Variants in CNTN5 observed in about 807,000 individuals in gnomAD.
CNTN5 encodes the protein contactin 5.
A neutral mutation model predicts 129.1 loss-of-function variants in CNTN5; 77 were observed. The observed-to-expected ratio is 0.60, with a 90% CI of 0.50 to 0.72. CNTN5 has a LOEUF of 0.72. CNTN5 is among the 30% of genes least tolerant of loss of function. The pLI is 0.00. For synonymous variants in CNTN5, 509 were observed against 465.6 expected (o/e 1.09, Z -1.20); for missense variants, 1,478 against 1,328.8 (o/e 1.11, Z -1.75).
intron 1 of CNTN5, among the ~76,000 whole-genome samples, chr11:99,220,605 A>T (rs1392585697): frequency 3.3e-5 from 5 of 151,992 alleles, no homozygotes; most frequent in Non-Finnish European, 7.4e-5. Flanking sequence ...TTATATTTTT[A>T]AAAATCCATT....
intron 6 of CNTN5, among the ~76,000 whole-genome samples, chr11:99,888,939 A>G (rs1484719936): frequency 6.6e-6 from 1 of 151,952 alleles, no homozygotes; most frequent in Non-Finnish European, 1.5e-5. Flanking sequence ...AGTTGTCAAG[A>G]GGAAGAATTC....
chr11:100,157,558 T>C (rs1947292454), intron 13 of CNTN5, among the ~76,000 whole-genome samples: 1 of 151,734 alleles, frequency 6.6e-6, no homozygotes, highest in African/African-American at 2.4e-5. Flanking sequence ...ATTGGTCATG[T>C]ATATTTGCTT....
chr11:99,103,093 C>A (rs568730676), intron 1 of CNTN5, among the ~76,000 whole-genome samples: 2 of 152,094 alleles, frequency 1.3e-5, no homozygotes, highest in Non-Finnish European at 2.9e-5. Flanking sequence ...CATCAGATCT[C>A]GTAAGGCTTA....
intron 18 of CNTN5, among the ~76,000 whole-genome samples, chr11:100,274,835 C>CA (rs1950474726): frequency 6.6e-6 from 1 of 152,178 alleles, no homozygotes; most frequent in African/African-American, 2.4e-5. Context: ...GACGACAACT[C>CA]AAAGACCTAA....
chr11:99,975,972 C>A (rs1289478402), intron 8 of CNTN5, among the ~76,000 whole-genome samples: 1 of 152,006 alleles, frequency 6.6e-6, no homozygotes, highest in East Asian at 1.9e-4. Context: ...CCTAGGAGCC[C>A]GTGAAATAAA....
chr11:99,249,232 T>C (rs1591418401), intron 1 of CNTN5, among the ~76,000 whole-genome samples: 1 of 152,272 alleles, frequency 6.6e-6, no homozygotes, highest in East Asian at 1.9e-4. Flanking sequence ...GAAGCAATTG[T>C]GAATGGGAGT....
chr11:99,978,477 G>A (rs1444115588), intron 8 of CNTN5, among the ~76,000 whole-genome samples: 1 of 152,176 alleles, frequency 6.6e-6, no homozygotes, highest in Non-Finnish European at 1.5e-5. Context: ...GGTCCTGCAA[G>A]TGCTATTTGT....
At chr11:100,258,763 C>T (rs184681305) in intron 17 of CNTN5, among the ~76,000 whole-genome samples, 4 of 152,262 alleles carry the variant, frequency 2.6e-5, no homozygotes, top group Admixed American at 6.5e-5. Flanking sequence ...GTTGTCACCA[C>T]CAGGCCTGCC....
intron 2 of CNTN5, among the ~76,000 whole-genome samples, chr11:99,531,320 C>A (rs1477760034): frequency 6.6e-6 from 1 of 152,132 alleles, no homozygotes; most frequent in Non-Finnish European, 1.5e-5. Context: ...ACTTTTTAAG[C>A]AGCAAAGCTT....
intron 3 of CNTN5, among the ~76,000 whole-genome samples, chr11:99,584,684 A>G (rs1482108634): frequency 2.0e-5 from 3 of 152,250 alleles, no homozygotes; most frequent in Non-Finnish European, 2.9e-5. Context: ...GGAGGCATAC[A>G]CAAAGCACTT....
intron 13 of CNTN5, among the ~76,000 whole-genome samples, chr11:100,183,307 G>A (rs547426205): frequency 5.6e-4 from 85 of 152,198 alleles, no homozygotes; most frequent in African/African-American, 2.0e-3. Flanking sequence ...AATGTTCATG[G>A]TATCTTTATT....
At chr11:99,056,768 T>A (rs996589340) in intron 1 of CNTN5, among the ~76,000 whole-genome samples, 1 of 151,962 alleles carries the variant, frequency 6.6e-6, no homozygotes, top group Non-Finnish European at 1.5e-5. Context: ...ATGGTAAGCA[T>A]GATAGTAATG....
chr11:99,216,246 G>A (rs1860108378), intron 1 of CNTN5, among the ~76,000 whole-genome samples: 1 of 152,058 alleles, frequency 6.6e-6, no homozygotes, highest in South Asian at 2.1e-4. Context: ...GAGAACGTGT[G>A]ATATTTGTGT....
intron 21 of CNTN5, chr11:100,337,411 A>C (rs1453331873): frequency 1.3e-6 from 1 of 769,320 alleles, no homozygotes; most frequent in African/African-American, 1.7e-5. Flanking sequence ...CAATCCAGGG[A>C]AGAGTGAAGC....
At chr11:99,338,185 G>T (rs1866324704) in intron 2 of CNTN5, among the ~76,000 whole-genome samples, 1 of 152,224 alleles carries the variant, frequency 6.6e-6, no homozygotes, top group South Asian at 2.1e-4. Flanking sequence ...TGAAATATCT[G>T]CTATTTCATT....
chr11:99,448,695 A>G (rs1944171348), intron 2 of CNTN5, among the ~76,000 whole-genome samples: 1 of 151,642 alleles, frequency 6.6e-6, no homozygotes, highest in African/African-American at 2.4e-5. Context: ...TTGAGGCTCA[A>G]AAAGTTGCAT....
chr11:99,620,182 G>A (rs551559459), intron 3 of CNTN5, among the ~76,000 whole-genome samples: 1 of 152,052 alleles, frequency 6.6e-6, no homozygotes, highest in Admixed American at 6.6e-5. Context: ...AAAGTATTTG[G>A]CTGCAGAAGC....
intron 1 of CNTN5, among the ~76,000 whole-genome samples, chr11:99,170,985 A>T (rs539210485): frequency 4.5e-4 from 68 of 152,324 alleles, no homozygotes; most frequent in African/African-American, 1.6e-3. Context: ...AACTTTAAAA[A>T]TAGAAAGTCA....
intron 3 of CNTN5, among the ~76,000 whole-genome samples, chr11:99,653,475 G>C (rs1952234536): frequency 6.6e-6 from 1 of 151,818 alleles, no homozygotes; most frequent in African/African-American, 2.4e-5. Context: ...TCAGTAAGTA[G>C]TTCTATTTAT....
Sources: allele counts gnomAD v4.1 joint callset (sites outside exome capture counted in the v4.1 genomes callset), GRCh38; gene constraint gnomAD v4.1.1; transcripts MANE v1.5; gene names NCBI Gene and HGNC (gene_info 2026-07-23, HGNC 2026-07-21).